PHACTR3: variants seen among roughly 807,000 people sequenced by gnomAD.
PHACTR3 encodes protein phosphatase 1, regulatory subunit 123.
A neutral mutation model predicts 66.8 loss-of-function variants in PHACTR3; 16 were observed. The ratio of observed to expected loss-of-function variants is 0.24; its 90% CI spans 0.16 to 0.36. The LOEUF (loss-of-function observed/expected upper bound fraction) is 0.36, where lower values mean the gene tolerates loss of function less well. Among genes scored for constraint, PHACTR3 ranks in the 10% least tolerant of loss-of-function variants. The probability of loss-of-function intolerance (pLI) is 1.00; values close to 1 mark genes in which losing one functional copy is unlikely to be tolerated. For synonymous variants in PHACTR3, 323 were observed against 292.1 expected (o/e 1.11, Z -1.08); for missense variants, 647 against 719.9 (o/e 0.90, Z 1.16).
At chr20:59,588,509 G>A (rs981680750) in intron 1 of PHACTR3, among the ~76,000 whole-genome samples, 3 of 152,146 alleles carry the variant, frequency 2.0e-5, no homozygotes, top group African/African-American at 4.8e-5. Flanking sequence ...GCTCTTCCTG[G>A]CTGAAGACCC....
At chr20:59,805,621 G>A (rs1376030507) in intron 7 of PHACTR3, among the ~76,000 whole-genome samples, 1 of 152,196 alleles carries the variant, frequency 6.6e-6, no homozygotes, top group Non-Finnish European at 1.5e-5. Flanking sequence ...ATGTGGCTGG[G>A]GGGACAGTGG....
At chr20:59,700,201 G>T (rs1178637652) in intron 1 of PHACTR3, among the ~76,000 whole-genome samples, 3 of 152,200 alleles carry the variant, frequency 2.0e-5, no homozygotes, top group Admixed American at 6.5e-5. Context: ...ATTTCATGGA[G>T]ATGGATGTTG....
At position 59,830,222 on chromosome 20, in the gene PHACTR3, C is replaced by T. The variant is rs113216268; in HGVS notation, c.1329-6283C>T. ...GGTATGAGTGTCTGATAGAAGAGGG[C>T]GTGAGTGTCTGATGGAAGAGGGTAT... On this transcript the variant is annotated intron_variant, in intron 8 of 12. Transcript: ENST00000371015. The surrounding 1 kb of genome is among the most constrained non-coding windows in gnomAD (Gnocchi z 5.8). Among the ~76,000 whole-genome samples the T allele has an allele frequency of 0.047, 6,627 of 141,222 alleles. 249 individuals are homozygous for T. The highest frequency in any genetic ancestry group is 0.12 in the African/African-American group (4,195 of 33,996). The allele number at this position is 141,222 out of a possible 152,430, so 92.6% of individuals were successfully genotyped here. A position where few individuals can be genotyped will look rare whatever the true frequency, so the allele number is the denominator to read the frequency against.
chr20:59,611,706 C>A (rs564984417), intron 1 of PHACTR3, among the ~76,000 whole-genome samples: 355 of 152,334 alleles, frequency 2.3e-3, no homozygotes, highest in Non-Finnish European at 4.4e-3. Context: ...CCCCTGCCTC[C>A]CTCTCCGGCC....
intron 7 of PHACTR3, among the ~76,000 whole-genome samples, chr20:59,796,422 T>C (rs2146969422): frequency 6.6e-6 from 1 of 152,306 alleles, no homozygotes; most frequent in Non-Finnish European, 1.5e-5. Flanking sequence ...GATTCTGAAG[T>C]TGATTATGAA....
chr20:59,807,517 G>T (rs1396752964), intron 8 of PHACTR3, among the ~76,000 whole-genome samples: 1 of 152,174 alleles, frequency 6.6e-6, no homozygotes, highest in Non-Finnish European at 1.5e-5. Flanking sequence ...TTAATAAGTA[G>T]GAGTACACTC....
rs139458948 is a variant in PHACTR3 at position 59,639,366 on chromosome 20, CTGTT to C, written c.118+34235_118+34238del. On this transcript the variant is annotated intron_variant, in intron 1 of 12. Coordinates refer to ENST00000371015, the MANE Select transcript of PHACTR3 (RefSeq NM_080672.5). Reference sequence around the variant, plus strand: ...TGCAGGATGAGCATTTCCCACCTGTCTGTTCTTTTCTCTTGGCCAAGAGGACCTC... The same window carrying C: ...TGCAGGATGAGCATTTCCCACCTGTCCTTTTCTCTTGGCCAAGAGGACCTC... Among the ~76,000 whole-genome samples the C allele has an allele frequency of 7.4e-3, 1,126 of 152,254 alleles. 23 individuals carry two copies. The highest frequency in any genetic ancestry group is 0.025 in the African/African-American group (1,055 of 41,522).
chr20:59,826,045 A>G (rs1257258321), intron 8 of PHACTR3, among the ~76,000 whole-genome samples: 1 of 152,212 alleles, frequency 6.6e-6, no homozygotes, highest in African/African-American at 2.4e-5. Context: ...TGGACTTCCC[A>G]GACTCCAGAA....
intron 4 of PHACTR3, among the ~76,000 whole-genome samples, chr20:59,760,293 CTT>C (rs999910379): frequency 6.6e-6 from 1 of 152,136 alleles, no homozygotes; most frequent in African/African-American, 2.4e-5. Flanking sequence ...TTTGGGTTGA[CTT>C]TGGGCTTTTG....
At chr20:59,605,306 G>A (rs1219285835) in intron 1 of PHACTR3, among the ~76,000 whole-genome samples, 174 bp downstream of exon 1, 1 of 152,224 alleles carries the variant, frequency 6.6e-6, no homozygotes, top group Non-Finnish European at 1.5e-5. Flanking sequence ...GCGCCTCGGA[G>A]CCCTTTGTCC....
chr20:59,716,624 A>G (rs1332798814), intron 1 of PHACTR3, among the ~76,000 whole-genome samples: 2 of 152,150 alleles, frequency 1.3e-5, no homozygotes, highest in African/African-American at 4.8e-5. Flanking sequence ...CCTGGGCTAA[A>G]GGAGATTCTC....
chr20:59,641,595 A>G (rs1025128849), intron 1 of PHACTR3, among the ~76,000 whole-genome samples: 1 of 152,184 alleles, frequency 6.6e-6, no homozygotes, highest in Non-Finnish European at 1.5e-5. Context: ...TACCCAGCCT[A>G]TTGATTCAAA....
chr20:59,796,171 A>T (rs1018434196), intron 7 of PHACTR3, among the ~76,000 whole-genome samples: 5 of 152,136 alleles, frequency 3.3e-5, no homozygotes, highest in Non-Finnish European at 5.9e-5. Flanking sequence ...ATAAAAAATT[A>T]TAAAGTTATA....
chr20:59,847,590 A>C lies in PHACTR3; in HGVS notation c.*460A>C, dbSNP rs2059174745. 1.3e-5 allele frequency: 2 copies of C among 153,988 alleles called. No individual in the cohort carries two copies. Among genetic ancestry groups the C allele is most frequent in the African/African-American group, 4.8e-5 (2 of 41,530 alleles). 9.5% of individuals were successfully genotyped at this position (153,988 alleles called of 1,614,324 possible). A position where few individuals can be genotyped will look rare whatever the true frequency, so the allele number is the denominator to read the frequency against. ...ACTCTTTAAGTTCATGTTATACAAG[A>C]TGATTTACTGTATTATACTTTTCCT... On this transcript the variant is annotated 3_prime_UTR_variant, in exon 13 of 13. Transcript: ENST00000371015.
chr20:59,824,735 G>A (rs1199623746), intron 8 of PHACTR3, among the ~76,000 whole-genome samples: 1 of 152,194 alleles, frequency 6.6e-6, no homozygotes, highest in Non-Finnish European at 1.5e-5. Context: ...TTTGACCTGA[G>A]CATTGACCAC....
chr20:59,690,877 A>G (rs1006997482), intron 1 of PHACTR3, among the ~76,000 whole-genome samples: 94 of 152,222 alleles, frequency 6.2e-4, no homozygotes, highest in African/African-American at 2.2e-3. Flanking sequence ...CACCAGAGAC[A>G]TTCCTGGGGT....
intron 1 of PHACTR3, among the ~76,000 whole-genome samples, chr20:59,597,183 C>A (rs547391616): frequency 1.3e-5 from 2 of 152,290 alleles, no homozygotes; most frequent in South Asian, 4.1e-4. Context: ...TTGTTAGATA[C>A]CCTGTCTGAG....
chr20:59,625,602 TC>T (rs368332991), intron 1 of PHACTR3, among the ~76,000 whole-genome samples: 15 of 150,206 alleles, frequency 1.0e-4, no homozygotes, highest in African/African-American at 3.6e-4. Context: ...TGGTTTCTTC[TC>T]TTGCTTAGGG....
At chr20:59,703,355 C>T (rs144392236) in intron 1 of PHACTR3, among the ~76,000 whole-genome samples, 4 of 152,280 alleles carry the variant, frequency 2.6e-5, no homozygotes, top group Admixed American at 6.5e-5. Context: ...AAATAGTAGT[C>T]GTATCGTTGT....
Sources: gnomAD v4.1 joint callset for allele counts (sites outside exome capture counted in the v4.1 genomes callset) on GRCh38, gnomAD v4.1.1 for gene constraint, Gnocchi (gnomAD v3.1) non-coding constraint, MANE v1.5 for transcripts, NCBI Gene and HGNC (gene_info 2026-07-23, HGNC 2026-07-21) for gene names.